Variants in INPP4B observed in about 807,000 individuals in gnomAD.
The protein encoded by INPP4B is inositol polyphosphate-4-phosphatase type II B.
Under a neutral mutation model 122.5 loss-of-function variants are expected in INPP4B, and 55 were observed. That is an observed-to-expected ratio of 0.45 (90% CI 0.36 to 0.56). INPP4B has a LOEUF of 0.56. INPP4B is among the 20% of genes least tolerant of loss of function. The pLI is 0.00. For missense variants in INPP4B, 1,000 were observed against 1,097.7 expected, an observed-to-expected ratio of 0.91 and a Z score of 1.26; for synonymous variants, 403 against 388.7, an observed-to-expected ratio of 1.04 and a Z score of -0.43.
intron 18 of INPP4B, among the ~76,000 whole-genome samples, chr4:142,130,551 T>C (rs1561227959): frequency 6.6e-6 from 1 of 152,006 alleles, no homozygotes; most frequent in Non-Finnish European, 1.5e-5. Context: ...AGAAACAATG[T>C]GTATCAGACA....
At chr4:142,401,101 C>T (rs766385671) in intron 7 of INPP4B, among the ~76,000 whole-genome samples, 1 of 152,072 alleles carries the variant, frequency 6.6e-6, no homozygotes, top group South Asian at 2.1e-4. Context: ...ACGTAAAATC[C>T]TATAGTTTCT....
intron 2 of INPP4B, among the ~76,000 whole-genome samples, chr4:142,590,670 T>TA (rs1195937161): frequency 6.6e-6 from 1 of 151,892 alleles, no homozygotes; most frequent in Non-Finnish European, 1.5e-5. Flanking sequence ...AAACTAATAT[T>TA]TAGCTTAATA....
chr4:142,316,159 T>C (rs1767576348), intron 7 of INPP4B, among the ~76,000 whole-genome samples: 1 of 152,182 alleles, frequency 6.6e-6, no homozygotes, highest in Non-Finnish European at 1.5e-5. Context: ...TCATTATAAC[T>C]CAAAATTGTT....
At chr4:142,406,595 GGAAAATTAT>G (rs1803427328) in intron 5 of INPP4B, among the ~76,000 whole-genome samples, 1 of 152,118 alleles carries the variant, frequency 6.6e-6, no homozygotes, top group South Asian at 2.1e-4. Context: ...GGCAACACTG[GGAAAATTAT>G]TTAACTGCTT....
rs774463208 is a variant in INPP4B at position 142,431,161 on chromosome 4, A to T, written c.91+8T>A. 6.2e-7 allele frequency: 1 copy of T among 1,609,730 alleles called. No individual in the cohort carries two copies. Among genetic ancestry groups the T allele is most frequent in the South Asian group, 1.1e-5 (1 of 90,942 alleles). ...TGCAAAAACAGGGAGGGATACACAC[A>T]TACTTACTTGTGAACTGACAGTCCC... On this transcript the variant is annotated splice_region_variant and intron_variant, in intron 4 of 25. Coordinates refer to ENST00000262992, the MANE Select transcript of INPP4B (RefSeq NM_001101669.3).
intron 9 of INPP4B, among the ~76,000 whole-genome samples, chr4:142,291,262 CACTAG>C (rs1168841330): frequency 1.3e-5 from 2 of 152,194 alleles, no homozygotes; most frequent in Non-Finnish European, 2.9e-5. Context: ...AGGCAACTAA[CACTAG>C]GGATTGAAAG....
Position 142,406,973 on chromosome 4 carries a change from T to C in INPP4B, c.137-1649A>G, listed in dbSNP as rs148060084. 2.9e-4 allele frequency among the ~76,000 whole-genome samples: 44 copies of C among 152,264 alleles called. No individual in the cohort carries two copies. In the East Asian group the frequency reaches 7.9e-3, roughly 27 times the overall value. On this transcript the variant is annotated intron_variant, in intron 5 of 25. Transcript: ENST00000262992. Reference sequence around the variant, plus strand: ...CATGCCGACCTGCCCTCCTGCACAATGGCACCTCTCTTTGGAAGACCCACC... The same window carrying C: ...CATGCCGACCTGCCCTCCTGCACAACGGCACCTCTCTTTGGAAGACCCACC...
intron 2 of INPP4B, among the ~76,000 whole-genome samples, chr4:142,516,666 C>T (rs1439080020): frequency 1.3e-5 from 2 of 152,068 alleles, no homozygotes; most frequent in East Asian, 3.9e-4. Flanking sequence ...CCTTTTGTCC[C>T]TTTGGATCCA....
At position 142,090,608 on chromosome 4, in the gene INPP4B, G is replaced by T. The variant is rs529254062; in HGVS notation, c.2375-4352C>A. The stretch of plus-strand genomic sequence containing the variant: ...CTGTGTCTCCTCAAATGTAAATATA[G>T]CCAAAGAGTCTTGCTTTTGCTACTC... On this transcript the variant is annotated intron_variant, in intron 23 of 25. Coordinates refer to ENST00000262992, the MANE Select transcript of INPP4B (RefSeq NM_001101669.3). Among the ~76,000 whole-genome samples, 14 of 152,034 alleles carry T rather than the reference G, an allele frequency of 9.2e-5. 1 individual carries two copies. The South Asian group carries it at 2.9e-3, about 32-fold the overall frequency.
At chr4:142,653,624 C>A (rs1327331153) in intron 2 of INPP4B, among the ~76,000 whole-genome samples, 1 of 152,140 alleles carries the variant, frequency 6.6e-6, no homozygotes, top group African/African-American at 2.4e-5. Context: ...AAAAAATGCT[C>A]ATCATCACTG....
chr4:142,138,327 A>G (rs1440798464), intron 18 of INPP4B, among the ~76,000 whole-genome samples: 1 of 142,720 alleles, frequency 7.0e-6, no homozygotes, highest in Non-Finnish European at 1.5e-5. Flanking sequence ...ATAGGTGGGA[A>G]TTGAACAATG....
chr4:142,329,336 G>A (rs1561862623), intron 7 of INPP4B, among the ~76,000 whole-genome samples: 1 of 152,100 alleles, frequency 6.6e-6, no homozygotes, highest in Non-Finnish European at 1.5e-5. Flanking sequence ...AACATCAAGT[G>A]CAAAGGCACT....
In INPP4B at chr4:142,270,788, T is replaced by A. The variant is rs2150569118; in HGVS notation, c.504-14A>T. The A allele has an allele frequency of 6.4e-7, 1 of 1,557,402 alleles. No individual in the cohort carries two copies. The highest frequency in any genetic ancestry group is 8.9e-7 in the Non-Finnish European group (1 of 1,128,472). On this transcript the variant is annotated splice_polypyrimidine_tract_variant and intron_variant, in intron 9 of 25. Coordinates refer to ENST00000262992, the MANE Select transcript of INPP4B (RefSeq NM_001101669.3). ...CCATCTGAAGTTCTGCAACAAAAAA[T>A]ACACGAAATGGAAAGGTAAGAAGCT... is the stretch of plus-strand genomic sequence containing the variant.
chr4:142,482,300 A>G (rs567255213), intron 2 of INPP4B, among the ~76,000 whole-genome samples: 1 of 152,306 alleles, frequency 6.6e-6, no homozygotes, highest in Non-Finnish European at 1.5e-5. Context: ...TAAGCCCATA[A>G]CAGTGAACTC....
intron 2 of INPP4B, among the ~76,000 whole-genome samples, chr4:142,479,225 C>A (rs745761898): frequency 2.0e-5 from 3 of 152,118 alleles, no homozygotes; most frequent in Admixed American, 6.6e-5. Context: ...TGCTCCACAT[C>A]ATTAATTGTT....
At chr4:142,195,715 A>G (rs1233397701) in intron 14 of INPP4B, among the ~76,000 whole-genome samples, 4 of 152,158 alleles carry the variant, frequency 2.6e-5, no homozygotes, top group Non-Finnish European at 1.5e-5. Context: ...AGAACTACCC[A>G]ATAAGAAGGG....
chr4:142,356,060 G>A (rs980022853), intron 7 of INPP4B, among the ~76,000 whole-genome samples: 3 of 151,278 alleles, frequency 2.0e-5, no homozygotes, highest in Non-Finnish European at 4.4e-5. Flanking sequence ...ATTGATAAGG[G>A]CAAAAAATAG....
At chr4:142,266,498 C>T (rs926746662) in intron 10 of INPP4B, among the ~76,000 whole-genome samples, 8 of 152,092 alleles carry the variant, frequency 5.3e-5, no homozygotes, top group African/African-American at 1.2e-4. Flanking sequence ...TAATTTGTTA[C>T]GTGTTGGATA....
chr4:142,049,609 G>A (rs1456298421), intron 25 of INPP4B, among the ~76,000 whole-genome samples: 1 of 151,934 alleles, frequency 6.6e-6, no homozygotes, highest in Non-Finnish European at 1.5e-5. Flanking sequence ...ACTGTAAAGG[G>A]ATAGGAAGAA....
Sources: allele counts gnomAD v4.1 joint callset (sites outside exome capture counted in the v4.1 genomes callset), GRCh38; gene constraint gnomAD v4.1.1; transcripts MANE v1.5; gene names NCBI Gene and HGNC (gene_info 2026-07-23, HGNC 2026-07-21).